ZEB1: variants seen among roughly 807,000 people sequenced by gnomAD.
ZEB1 encodes zinc finger E-box-binding homeobox 1.
Under a neutral mutation model 84.9 loss-of-function variants are expected in ZEB1, and 21 were observed. The observed-to-expected ratio is 0.25, with a 90% CI of 0.18 to 0.36. The LOEUF (loss-of-function observed/expected upper bound fraction) is 0.36. Ranked by LOEUF, ZEB1 falls within the 10% of genes least tolerant of loss-of-function variation. ZEB1 has a pLI of 1.00. For synonymous variants in ZEB1, 420 were observed against 471.1 expected, an observed-to-expected ratio of 0.89 and a Z score of 1.41; for missense variants, 1,104 against 1,330.2, an observed-to-expected ratio of 0.83 and a Z score of 2.65.
At chr10:31,427,039 C>T (rs1386781267) in intron 1 of ZEB1, among the ~76,000 whole-genome samples, 1 of 151,808 alleles carries the variant, frequency 6.6e-6, no homozygotes, top group Non-Finnish European at 1.5e-5. Flanking sequence ...TCATTGTAGT[C>T]TCTCTTACTT....
chr10:31,502,469 G>C lies in ZEB1; in HGVS notation c.444G>C (p.Gln148His). ...VIFPEAPEED[Q>H]RQGTPEASGH... ...TTCCTGAGGCACCTGAAGAGGACCAGAGGCAGGGCACACCAGAAGCCAGTG... is the reference window on the plus strand; with the variant it reads ...TTCCTGAGGCACCTGAAGAGGACCACAGGCAGGGCACACCAGAAGCCAGTG... The change falls in exon 4 of 9, where the codon CAG (glutamine) becomes CAC (histidine). Residue 148 changes from glutamine to histidine, a missense_variant. By Grantham distance (24) the Gln-to-His change is conservative (BLOSUM62 0). This residue lies in a region of ZEB1 where 162 missense variants were observed against 184.5 expected (regional missense o/e 0.88). Transcript: ENST00000424869. 6.2e-7 allele frequency: 1 copy of C among 1,613,910 alleles called. No individual in the cohort carries two copies. Among genetic ancestry groups the C allele is most frequent in the East Asian group, 2.2e-5 (1 of 44,874 alleles).
intron 2 of ZEB1, among the ~76,000 whole-genome samples, chr10:31,474,671 G>A (rs2138137189): frequency 6.6e-6 from 1 of 152,264 alleles, no homozygotes; most frequent in Middle Eastern, 3.4e-3. Flanking sequence ...CAGGGATCTA[G>A]AACTAGAAAT....
At chr10:31,500,793 A>G (rs1162557438) in intron 3 of ZEB1, among the ~76,000 whole-genome samples, 1 of 152,166 alleles carries the variant, frequency 6.6e-6, no homozygotes, top group Non-Finnish European at 1.5e-5. Context: ...GAAGCTGAGG[A>G]TCCGGGAGTT....
At chr10:31,442,695 G>A (rs1373468429) in intron 1 of ZEB1, among the ~76,000 whole-genome samples, 3 of 152,140 alleles carry the variant, frequency 2.0e-5, no homozygotes, top group South Asian at 2.1e-4. Context: ...TGAGGAAGTG[G>A]AGGAAAGAAA....
chr10:31,342,584 T>A (rs945175402), intron 1 of ZEB1, among the ~76,000 whole-genome samples: 3 of 152,128 alleles, frequency 2.0e-5, no homozygotes, highest in Non-Finnish European at 4.4e-5. Context: ...AAGGTTATAC[T>A]AGAAGTTTGA....
At chr10:31,501,107 C>A (rs2068059596) in intron 3 of ZEB1, among the ~76,000 whole-genome samples, 1 of 152,092 alleles carries the variant, frequency 6.6e-6, no homozygotes. Context: ...CCCATACATC[C>A]CCATTTTAAT....
At chr10:31,454,023 A>T (rs2060903318) in intron 1 of ZEB1, among the ~76,000 whole-genome samples, 1 of 152,222 alleles carries the variant, frequency 6.6e-6, no homozygotes, top group Admixed American at 6.5e-5. Flanking sequence ...AAATACTGGC[A>T]AACTAAATCT....
chr10:31,375,838 C>A lies in ZEB1; in HGVS notation c.58+56546C>A, dbSNP rs994115234. 2.0e-5 allele frequency among the ~76,000 whole-genome samples: 3 copies of A among 151,608 alleles called. No homozygotes were observed. The South Asian group carries it at 6.2e-4, about 31-fold the overall frequency. On this transcript the variant is annotated intron_variant, in intron 1 of 8. Coordinates refer to ENST00000424869, the MANE Select transcript of ZEB1 (RefSeq NM_001174096.2). ...GTTTTTAGTTCAATATGAGAAAGAA[C>A]CTTTTAAATGTAGAAATAAAATGGG...
At chr10:31,426,700 A>AT (rs1291410445) in intron 1 of ZEB1, among the ~76,000 whole-genome samples, 1 of 152,138 alleles carries the variant, frequency 6.6e-6, no homozygotes, top group African/African-American at 2.4e-5. Context: ...TGCCTTTACA[A>AT]CAGAAATCTC....
intron 1 of ZEB1, among the ~76,000 whole-genome samples, chr10:31,455,887 C>T (rs1250673412): frequency 6.6e-6 from 1 of 152,114 alleles, no homozygotes; most frequent in Non-Finnish European, 1.5e-5. Context: ...TACCATTTGA[C>T]CCAGCCATCC....
intron 1 of ZEB1, among the ~76,000 whole-genome samples, chr10:31,420,797 ACT>A (rs1332257896): frequency 6.6e-6 from 1 of 151,418 alleles, no homozygotes; most frequent in Non-Finnish European, 1.5e-5. Context: ...TTTAGTAAAA[ACT>A]CTCACATCTT....
chr10:31,426,984 ATC>A (rs1274139093), intron 1 of ZEB1, among the ~76,000 whole-genome samples: 2 of 152,120 alleles, frequency 1.3e-5, no homozygotes, highest in African/African-American at 4.8e-5. Flanking sequence ...TTCTTAAATC[ATC>A]TTTTTTATCT....
At position 31,526,841 on chromosome 10, in the gene ZEB1, C is replaced by T. The variant is rs2073539850; in HGVS notation, c.2955C>T (p.Ser985=). Residue 985 remains serine, a synonymous_variant, in exon 9 of 9, where the codon TCC becomes TCT. Coordinates refer to ENST00000424869, the MANE Select transcript of ZEB1 (RefSeq NM_001174096.2). ...CTCAACACATGAATCATCGCTACTCCTACTGTAAGAGAGAAGCGGAAGAAC... is the reference window on the plus strand; with the variant it reads ...CTCAACACATGAATCATCGCTACTCTTACTGTAAGAGAGAAGCGGAAGAAC... ...SYSQHMNHRY[S]YCKREAEERD... is the part of the protein sequence containing the mutation. The T allele has an allele frequency of 6.2e-7, 1 of 1,614,022 alleles. No individual in the cohort carries two copies. Among genetic ancestry groups the T allele is most frequent in the Admixed American group, 1.7e-5 (1 of 60,004 alleles).
chr10:31,449,901 G>T lies in ZEB1; in HGVS notation c.59-11136G>T, dbSNP rs115510991. ...TTTCATCATTGTGATAACCATGTCA[G>T]GGGTATACTATTAATATTTCAATCT... On this transcript the variant is annotated intron_variant, in intron 1 of 8. Coordinates refer to ENST00000424869, the MANE Select transcript of ZEB1 (RefSeq NM_001174096.2). Among the ~76,000 whole-genome samples, 847 of 152,220 alleles carry T rather than the reference G, an allele frequency of 5.6e-3. 13 individuals carry two copies. The highest frequency in any genetic ancestry group is 0.02 in the African/African-American group (812 of 41,528).
intron 1 of ZEB1, among the ~76,000 whole-genome samples, chr10:31,442,482 T>C (rs1461410679): frequency 2.6e-5 from 4 of 151,910 alleles, no homozygotes; most frequent in Admixed American, 1.3e-4. Flanking sequence ...GGGTGCAGCA[T>C]ACCAACATGG....
chr10:31,421,405 C>G (rs550724471), intron 1 of ZEB1, among the ~76,000 whole-genome samples: 1 of 152,106 alleles, frequency 6.6e-6, no homozygotes, highest in Non-Finnish European at 1.5e-5. Flanking sequence ...TACATTCTTA[C>G]AATTTAAGTG....
chr10:31,389,765 TTTTA>T (rs976619052), intron 1 of ZEB1: 1 of 152,184 alleles, frequency 6.6e-6, no homozygotes, highest in Non-Finnish European at 1.5e-5. Context: ...TTTCATTACA[TTTTA>T]TTTAACCCAA....
At chr10:31,461,749 G>T (rs2061847549) in intron 2 of ZEB1, among the ~76,000 whole-genome samples, 1 of 152,088 alleles carries the variant, frequency 6.6e-6, no homozygotes, top group South Asian at 2.1e-4. Context: ...AAGGAGCGGT[G>T]AAAGTAAGGA....
At chr10:31,411,493 G>T (rs1051586752) in intron 1 of ZEB1, among the ~76,000 whole-genome samples, 1 of 151,960 alleles carries the variant, frequency 6.6e-6, no homozygotes, top group African/African-American at 2.4e-5. Flanking sequence ...TTAGCCGGGC[G>T]CGGTGGCGGG....
Sources: gnomAD v4.1 joint callset for allele counts (sites outside exome capture counted in the v4.1 genomes callset) on GRCh38, gnomAD v4.1.1 for gene constraint, gnomAD v4.1.1 regional missense constraint, MANE v1.5 for transcripts, NCBI Gene and HGNC (gene_info 2026-07-23, HGNC 2026-07-21) for gene names.